The following TAX1BP3 variants were observed in gnomAD, a reference collection of about 807,000 sequenced individuals.
TAX1BP3 encodes Tax1 binding protein 3.
Under a neutral mutation model 15.3 loss-of-function variants are expected in TAX1BP3, and 13 were observed. The ratio of observed to expected loss-of-function variants is 0.85; its 90% CI spans 0.55 to 1.35. TAX1BP3 has a LOEUF of 1.35. TAX1BP3 is among the 40% of genes most tolerant of loss of function. The probability of loss-of-function intolerance (pLI) is 0.00; values close to 1 mark genes in which losing one functional copy is unlikely to be tolerated. For missense variants in TAX1BP3, 147 were observed against 169.6 expected (o/e 0.87, Z 0.74); for synonymous variants, 70 against 66.0 (o/e 1.06, Z -0.30).
In TAX1BP3 at chr17:3,663,142, G is replaced by A. The variant is rs1381525401; in HGVS notation, c.*606C>T. 1 of 152,316 alleles carries A rather than the reference G, an allele frequency of 6.6e-6. No homozygotes were observed. The highest frequency in any genetic ancestry group is 1.5e-5 in the Non-Finnish European group (1 of 68,078). 9.4% of individuals were successfully genotyped at this position (152,316 alleles called of 1,614,324 possible). On this transcript the variant is annotated 3_prime_UTR_variant, in exon 4 of 4. Transcript: ENST00000225525. ...AAATGACAATCCTGAGAGCTGCCCT[G>A]ATAGGTGAGCCTCGAACCTCGTCTA...
chr17:3,663,713 AGG>A lies in TAX1BP3; in HGVS notation c.*33_*34del. On this transcript the variant is annotated 3_prime_UTR_variant, in exon 4 of 4. Transcript: ENST00000225525. ...GTGGAAGTGGCGTTACTGTACAGAGAGGCGGCAGGCAGGAGTCGCAGATGGTG... is the reference window on the plus strand; with the variant it reads ...GTGGAAGTGGCGTTACTGTACAGAGACGGCAGGCAGGAGTCGCAGATGGTG... 1 of 1,586,242 alleles carries A rather than the reference AGG, an allele frequency of 6.3e-7. No homozygotes were observed. The highest frequency in any genetic ancestry group is 1.1e-5 in the South Asian group (1 of 88,992).
At chr17:3,664,471 C>A in intron 2 of TAX1BP3, 199 bp from the exon 3 acceptor site, 1 of 930,408 alleles carries the variant, frequency 1.1e-6, no homozygotes, top group Non-Finnish European at 1.7e-6. Flanking sequence ...CTGCTGATGG[C>A]CGCCTCCTGC....
rs573476484 is a variant in TAX1BP3 at position 3,663,717 on chromosome 17, G to A, written c.*31C>T. On this transcript the variant is annotated 3_prime_UTR_variant, in exon 4 of 4. Transcript: ENST00000225525. ...AAGTGGCGTTACTGTACAGAGAGGC[G>A]GCAGGCAGGAGTCGCAGATGGTGGT... The A allele has an allele frequency of 5.1e-5, 81 of 1,588,112 alleles. No homozygotes were observed. Among genetic ancestry groups the A allele is most frequent in the Middle Eastern group, 1.9e-4 (1 of 5,228 alleles).
chr17:3,666,245 T>C (rs1196398712), intron 1 of TAX1BP3, among the ~76,000 whole-genome samples: 1 of 152,218 alleles, frequency 6.6e-6, no homozygotes, highest in Non-Finnish European at 1.5e-5. Context: ...TAGCCTGACC[T>C]TGATCCTGAA....
chr17:3,668,512 C>T lies in TAX1BP3; in HGVS notation c.15G>A (p.Pro5=), dbSNP rs777302173. The change falls in exon 1 of 4, where the codon CCG becomes CCA. Residue 5 remains proline, a synonymous_variant. Transcript: ENST00000225525. The surrounding 1 kb of genome is among the most constrained non-coding windows in gnomAD (Gnocchi z 4.1). The stretch of plus-strand genomic sequence containing the variant: ...CCACCACGGCGGTGACCGGCTGGCC[C>T]GGGATGTAGGACATCTCGACCCTGC... The part of the protein sequence containing the change: MSYI[P]GQPVTAVVQR... 4 of 1,608,874 alleles carry T rather than the reference C, an allele frequency of 2.5e-6. No individual in the cohort carries two copies. Among genetic ancestry groups the T allele is most frequent in the Non-Finnish European group, 3.4e-6 (4 of 1,178,548 alleles).
At position 3,663,792 on chromosome 17, in the gene TAX1BP3, G is replaced by GC; in HGVS notation, c.330dup (p.Arg111AlafsTer93). 1 of 1,607,222 alleles carries GC rather than the reference G, an allele frequency of 6.2e-7. No individual in the cohort carries two copies. Among genetic ancestry groups the GC allele is most frequent in the Non-Finnish European group, 8.5e-7 (1 of 1,179,738 alleles). Reference sequence around the variant, plus strand: ...TGCACGGCCTTCTGCAGCGACTGCCGCGTCACCAGCAGACGCACCACCTCC... The same window carrying GC: ...TGCACGGCCTTCTGCAGCGACTGCCGCCGTCACCAGCAGACGCACCACCTCC... On this transcript the variant is annotated frameshift_variant, in exon 4 of 4. Transcript: ENST00000225525. LOFTEE classifies it high-confidence loss of function.
chr17:3,664,192 T>A lies in TAX1BP3; in HGVS notation c.237+3A>T, dbSNP rs1296403872. ...GTTTCTCCTCCTTTGGGACACCTGTTACCTGCATGATCTTGTCTCCAATCT... is the reference window on the plus strand; with the variant it reads ...GTTTCTCCTCCTTTGGGACACCTGTAACCTGCATGATCTTGTCTCCAATCT... On this transcript the variant is annotated splice_donor_region_variant and intron_variant, in intron 3 of 3. Coordinates refer to ENST00000225525, the MANE Select transcript of TAX1BP3 (RefSeq NM_014604.4). The A allele has an allele frequency of 6.2e-7, 1 of 1,614,134 alleles. No homozygotes were observed. Among genetic ancestry groups the A allele is most frequent in the Non-Finnish European group, 8.5e-7 (1 of 1,180,036 alleles).
rs1347146469 is a variant in TAX1BP3 at position 3,668,036 on chromosome 17, G to A, written c.39+452C>T. 6.6e-6 allele frequency among the ~76,000 whole-genome samples: 1 copy of A among 152,266 alleles called. No individual in the cohort carries two copies. Among genetic ancestry groups the A allele is most frequent in the East Asian group, 1.9e-4 (1 of 5,204 alleles). ...CAGGAAGGGGGCAGGGGCTGCCACG[G>A]CAGGCTCGGGAGAGCCCCACCCCCA... On this transcript the variant is annotated intron_variant, in intron 1 of 3. Transcript: ENST00000225525. This position sits in a 1 kb window ranked among gnomAD's most constrained non-coding sequence, Gnocchi z 4.1.
intron 1 of TAX1BP3, among the ~76,000 whole-genome samples, chr17:3,666,448 G>A (rs2076340227): frequency 6.6e-6 from 1 of 152,150 alleles, no homozygotes; most frequent in East Asian, 1.9e-4. Context: ...GTCAAGAGGA[G>A]CACCCAGCCA....
At chr17:3,664,858 G>A in intron 1 of TAX1BP3, 60 bp from the exon 2 acceptor site, 2 of 1,579,356 alleles carry the variant, frequency 1.3e-6, no homozygotes, top group Non-Finnish European at 1.7e-6. Flanking sequence ...GCTGGTGGGT[G>A]TTCCCAGCAG....
At position 3,668,353 on chromosome 17, in the gene TAX1BP3, G is replaced by A; in HGVS notation, c.39+135C>T. On this transcript the variant is annotated intron_variant, in intron 1 of 3. Coordinates refer to ENST00000225525, the MANE Select transcript of TAX1BP3 (RefSeq NM_014604.4). This position sits in a 1 kb window ranked among gnomAD's most constrained non-coding sequence, Gnocchi z 4.1. Reference sequence around the variant, plus strand: ...AACTGCGGCCCGCTCCGGCAAAGCGGGGACCCGAGCCCTTGCCGCCGGTTC... The same window carrying A: ...AACTGCGGCCCGCTCCGGCAAAGCGAGGACCCGAGCCCTTGCCGCCGGTTC... 8.4e-7 allele frequency: 1 copy of A among 1,187,902 alleles called. No homozygotes were observed. Among genetic ancestry groups the A allele is most frequent in the South Asian group, 1.6e-5 (1 of 62,280 alleles). The allele number at this position is 1,187,902 out of a possible 1,614,324, so 73.6% of individuals were successfully genotyped here.
chr17:3,663,608 C>T lies in TAX1BP3; in HGVS notation c.*140G>A. ...CAGGGATGGGAGAAGGGAAGGAAGG[C>T]CAGGCCAGGCCTCTGGGACCAGCTA... On this transcript the variant is annotated 3_prime_UTR_variant, in exon 4 of 4. Transcript: ENST00000225525. The T allele has an allele frequency of 7.8e-7, 1 of 1,290,078 alleles. No homozygotes were observed. The highest frequency in any genetic ancestry group is 1.0e-6 in the Non-Finnish European group (1 of 982,560). 79.9% of individuals were successfully genotyped at this position (1,290,078 alleles called of 1,614,324 possible).
intron 1 of TAX1BP3, among the ~76,000 whole-genome samples, chr17:3,667,923 GA>G (rs577619223): frequency 3.0e-4 from 46 of 152,350 alleles, no homozygotes; most frequent in South Asian, 6.2e-4. Flanking sequence ...GGAGACCCAG[GA>G]AAAGTTCGAA....
intron 1 of TAX1BP3, among the ~76,000 whole-genome samples, chr17:3,667,395 C>G (rs535605817): frequency 1.3e-5 from 2 of 148,398 alleles, no homozygotes; most frequent in East Asian, 2.0e-4. Flanking sequence ...AAGCTTAGGA[C>G]AGCTGTCAGC....
In TAX1BP3 at chr17:3,664,733, AC is replaced by A; in HGVS notation, c.104del (p.Gly35ValfsTer46). 1 of 1,613,694 alleles carries A rather than the reference AC, an allele frequency of 6.2e-7. No homozygotes were observed. The highest frequency in any genetic ancestry group is 8.5e-7 in the Non-Finnish European group (1 of 1,179,896). ...TCTGGGAAGGATCCTGGTCGATTCC[AC>A]CTCCAATGCTGAAACCCAGGATTAA... ...ENLILGFSIGGGIDQDPSQNP... is the reference protein window; with the variant it reads ...ENLILGFSIGXGIDQDPSQNP... On this transcript the variant is annotated frameshift_variant, in exon 2 of 4. Transcript: ENST00000225525. LOFTEE classifies it high-confidence loss of function.
rs752296888 is a variant in TAX1BP3, at chr17:3,663,825, G to A, written c.298C>T (p.Arg100Cys). 1.6e-5 allele frequency: 25 copies of A among 1,609,414 alleles called. No individual in the cohort carries two copies. Among genetic ancestry groups the A allele is most frequent in the East Asian group, 4.5e-5 (2 of 44,884 alleles). ...AGCAGACGCACCACCTCCTCCGAGC[G>A]CTTGGTGAGCCGCTTGCGGGCCTGG... ...HDQARKRLTK[R>C]SEEVVRLLVT... The change falls in exon 4 of 4, where the codon CGC becomes TGC. Residue 100 changes from arginine (R) to cysteine (C), a missense_variant. Physicochemically the swap from Arg to Cys is radical, Grantham distance 180 (BLOSUM62 -3). Coordinates refer to ENST00000225525, the MANE Select transcript of TAX1BP3 (RefSeq NM_014604.4).
At chr17:3,664,551 A>G (rs1567721429) in intron 2 of TAX1BP3, 128 bp downstream of exon 2, 1 of 1,348,980 alleles carries the variant, frequency 7.4e-7, no homozygotes, top group Non-Finnish European at 1.0e-6. Context: ...GTCACTTCCG[A>G]TGCCTTCTTA....
rs2142991261 is a variant in TAX1BP3, at chr17:3,663,955, G to A, written c.238-70C>T. The A allele has an allele frequency of 3.2e-6, 5 of 1,561,466 alleles. No individual in the cohort carries two copies. The African/African-American group carries it at 4.0e-5, about 13-fold the overall frequency. ...CTGGGATCTGGAAGCAGAGGGCTTT[G>A]GGGGCCCAGGTCATTCAAGTAGGCC... On this transcript the variant is annotated intron_variant, in intron 3 of 3. Transcript: ENST00000225525.
At position 3,668,503 on chromosome 17, in the gene TAX1BP3, C is replaced by T. The variant is rs769230471; in HGVS notation, c.24G>A (p.Pro8=). 3 of 1,609,338 alleles carry T rather than the reference C, an allele frequency of 1.9e-6. No individual in the cohort carries two copies. Among genetic ancestry groups the T allele is most frequent in the Non-Finnish European group, 2.5e-6 (3 of 1,178,646 alleles). Residue 8 remains proline (P), a synonymous_variant, in exon 1 of 4, where the codon CCG becomes CCA. Coordinates refer to ENST00000225525, the MANE Select transcript of TAX1BP3 (RefSeq NM_014604.4). This position sits in a 1 kb window ranked among gnomAD's most constrained non-coding sequence, Gnocchi z 4.1. ...GCGCACTCACCACCACGGCGGTGAC[C>T]GGCTGGCCCGGGATGTAGGACATCT... MSYIPGQ[P]VTAVVQRVEI... is the part of the protein sequence containing the mutation.
Sources: gnomAD v4.1 joint callset for allele counts (sites outside exome capture counted in the v4.1 genomes callset) on GRCh38, gnomAD v4.1.1 for gene constraint, Gnocchi (gnomAD v3.1) non-coding constraint, MANE v1.5 for transcripts, NCBI Gene and HGNC (gene_info 2026-07-23, HGNC 2026-07-21) for gene names.